Variants in ZDHHC17 observed in about 807,000 individuals in gnomAD.
ZDHHC17 encodes the protein zDHHC palmitoyltransferase 17.
ZDHHC17 carries 40 observed loss-of-function variants against 90.3 expected under a neutral mutation model. That is an observed-to-expected ratio of 0.44 (90% CI 0.34 to 0.58). The LOEUF is 0.58. ZDHHC17 is among the 20% of genes least tolerant of loss of function. ZDHHC17 has a pLI of 0.01. For synonymous variants in ZDHHC17, 235 were observed against 252.4 expected, an observed-to-expected ratio of 0.93 and a Z score of 0.65; for missense variants, 614 against 780.8, an observed-to-expected ratio of 0.79 and a Z score of 2.55.
chr12:76,790,587 A>G (rs1029635382), intron 1 of ZDHHC17, among the ~76,000 whole-genome samples: 2 of 152,334 alleles, frequency 1.3e-5, no homozygotes, highest in East Asian at 3.9e-4. Flanking sequence ...ATTGTTACAA[A>G]TACATGTATA....
chr12:76,776,601 A>C (rs558545030), intron 1 of ZDHHC17, among the ~76,000 whole-genome samples: 4 of 152,202 alleles, frequency 2.6e-5, no homozygotes, highest in Non-Finnish European at 5.9e-5. Context: ...TATTCTTTGT[A>C]GTGTCTGGAC....
Position 76,827,038 on chromosome 12 carries a change from A to G in ZDHHC17, c.1028A>G (p.Gln343Arg). Residue 343 changes from glutamine (Q) to arginine (R), a missense_variant, in exon 9 of 17, where the codon CAG (glutamine) becomes CGG (arginine). Coordinates refer to ENST00000426126, the MANE Select transcript of ZDHHC17 (RefSeq NM_015336.4). ...LMYGGVWATV[Q>R]FLSKSFFDHS... ...TATGGTGGTGTTTGGGCTACAGTACAGTTTCTTTCAAAGTAAGTGTGTTGT... is the reference window on the plus strand; with the variant it reads ...TATGGTGGTGTTTGGGCTACAGTACGGTTTCTTTCAAAGTAAGTGTGTTGT... 1 of 1,558,124 alleles carries G rather than the reference A, an allele frequency of 6.4e-7. No homozygotes were observed. Among genetic ancestry groups the G allele is most frequent in the Non-Finnish European group, 8.6e-7 (1 of 1,161,960 alleles).
In ZDHHC17 at chr12:76,837,054, C is replaced by T. The variant is rs535635423; in HGVS notation, c.1142-4928C>T. On this transcript the variant is annotated intron_variant, in intron 10 of 16. Transcript: ENST00000426126. ...GACACTACATTTCTGAACCAGTTTA[C>T]CTTTAGATTTTGTTTATTTATCATC... Among the ~76,000 whole-genome samples the T allele has an allele frequency of 1.9e-3, 289 of 152,210 alleles. 1 individual carries two copies. Among genetic ancestry groups the T allele is most frequent in the Non-Finnish European group, 3.2e-3 (221 of 68,014 alleles).
chr12:76,839,121 C>A (rs1592496995), intron 10 of ZDHHC17, among the ~76,000 whole-genome samples: 1 of 152,222 alleles, frequency 6.6e-6, no homozygotes, highest in Non-Finnish European at 1.5e-5. Flanking sequence ...GGCTCCCACC[C>A]TTATGACTTA....
In ZDHHC17 at chr12:76,788,686, C is replaced by A. The variant is rs1200723828; in HGVS notation, c.94-8748C>A. Among the ~76,000 whole-genome samples the A allele has an allele frequency of 1.5e-4, 9 of 61,562 alleles. 2 individuals are homozygous for A. The highest frequency in any genetic ancestry group is 2.3e-4 in the Admixed American group (1 of 4,428). The allele number at this position is 61,562 out of a possible 152,430, so 40.4% of individuals were successfully genotyped here. On this transcript the variant is annotated intron_variant, in intron 1 of 16. Coordinates refer to ENST00000426126, the MANE Select transcript of ZDHHC17 (RefSeq NM_015336.4). ...GGAAAATATATTTAAGTTGGAATCG[C>A]AATTTTTTTTTTTTTTTTTTTTTTT...
intron 1 of ZDHHC17, among the ~76,000 whole-genome samples, chr12:76,782,528 A>G (rs1952638967): frequency 6.6e-6 from 1 of 152,208 alleles, no homozygotes. Context: ...AACACTTTAG[A>G]TGCTGTTCAG....
chr12:76,799,913 T>A (rs1046959028), intron 2 of ZDHHC17, among the ~76,000 whole-genome samples: 4 of 152,172 alleles, frequency 2.6e-5, no homozygotes, highest in African/African-American at 9.7e-5. Flanking sequence ...ATCTTTGGGG[T>A]GGGACTCAAG....
In ZDHHC17 at chr12:76,835,671, T is replaced by C. The variant is rs115409833; in HGVS notation, c.1142-6311T>C. Among the ~76,000 whole-genome samples, 1,466 of 152,158 alleles carry C rather than the reference T, an allele frequency of 9.6e-3. 19 individuals carry two copies. The highest frequency in any genetic ancestry group is 0.033 in the African/African-American group (1,386 of 41,546). ...TTGGATATATGACATGGGGTAATCA[T>C]ATGTATAAAGACTGAATTTTGTTTT... On this transcript the variant is annotated intron_variant, in intron 10 of 16. Transcript: ENST00000426126.
intron 10 of ZDHHC17, among the ~76,000 whole-genome samples, chr12:76,836,050 A>G (rs1953358706): frequency 6.6e-6 from 1 of 151,834 alleles, no homozygotes; most frequent in African/African-American, 2.4e-5. Flanking sequence ...ACATGGGCAT[A>G]ATGTCTTATT....
intron 10 of ZDHHC17, among the ~76,000 whole-genome samples, chr12:76,829,299 A>T (rs991381154): frequency 6.6e-6 from 1 of 151,954 alleles, no homozygotes; most frequent in Non-Finnish European, 1.5e-5. Flanking sequence ...TCTACTAAAA[A>T]TACAAAAATT....
chr12:76,849,337 A>AAAG lies in ZDHHC17; in HGVS notation c.1666-37_1666-36insGAA. 2 of 1,128,030 alleles carry AAAG rather than the reference A, an allele frequency of 1.8e-6. 1 individual carries two copies. Among genetic ancestry groups the AAAG allele is most frequent in the Non-Finnish European group, 2.5e-6 (2 of 801,006 alleles). 69.9% of individuals were successfully genotyped at this position (1,128,030 alleles called of 1,614,324 possible). A position where few individuals can be genotyped will look rare whatever the true frequency, so the allele number is the denominator to read the frequency against. ...AGGTCCTGTCTCAAAAAAAAAAAAAAAAAACAAGAATAATGGTTTGCTTTT... is the reference window on the plus strand; with the variant it reads ...AGGTCCTGTCTCAAAAAAAAAAAAAAAAGAAAACAAGAATAATGGTTTGCTTTT... On this transcript the variant is annotated intron_variant, in intron 15 of 16. Transcript: ENST00000426126.
chr12:76,813,317 A>G (rs1953047951), intron 5 of ZDHHC17: 1 of 448,000 alleles, frequency 2.2e-6, no homozygotes. Context: ...CCACAGGATT[A>G]TTTTAAAAAA....
intron 16 of ZDHHC17, among the ~76,000 whole-genome samples, chr12:76,849,924 T>C (rs1953542425): frequency 6.6e-6 from 1 of 152,112 alleles, no homozygotes. Context: ...CTGACTGCTT[T>C]TCTTTTCTTT....
chr12:76,851,089 T>C lies in ZDHHC17; in HGVS notation c.*104T>C. ...CCACATCCTTTGAACAAGAGCATGC[T>C]ATGTGTAGGGCTAATGGTGAATTTT... On this transcript the variant is annotated 3_prime_UTR_variant, in exon 17 of 17. Coordinates refer to ENST00000426126, the MANE Select transcript of ZDHHC17 (RefSeq NM_015336.4). 1 of 1,413,312 alleles carries C rather than the reference T, an allele frequency of 7.1e-7. No homozygotes were observed. Among genetic ancestry groups the C allele is most frequent in the South Asian group, 1.2e-5 (1 of 80,030 alleles). The allele number at this position is 1,413,312 out of a possible 1,614,324, so 87.5% of individuals were successfully genotyped here. A position where few individuals can be genotyped will look rare whatever the true frequency, so the allele number is the denominator to read the frequency against.
chr12:76,814,036 GA>G (rs913871658), intron 5 of ZDHHC17, among the ~76,000 whole-genome samples: 12 of 151,964 alleles, frequency 7.9e-5, no homozygotes, highest in African/African-American at 2.9e-4. Context: ...CTGAGAATAC[GA>G]AGATGGATTT....
chr12:76,811,827 C>T (rs916281070), intron 5 of ZDHHC17, among the ~76,000 whole-genome samples: 1 of 151,960 alleles, frequency 6.6e-6, no homozygotes, highest in Non-Finnish European at 1.5e-5. Flanking sequence ...TCTGAAAATC[C>T]GGAATGCTGC....
intron 10 of ZDHHC17, among the ~76,000 whole-genome samples, chr12:76,830,462 CTATT>C (rs1415711037): frequency 1.6e-5 from 2 of 127,258 alleles, no homozygotes; most frequent in East Asian, 6.8e-4. Context: ...GTTTAAGTAT[CTATT>C]GAAATTCTTC....
chr12:76,800,868 C>CTGTCATTT (rs1952878195), intron 2 of ZDHHC17, among the ~76,000 whole-genome samples: 1 of 139,694 alleles, frequency 7.2e-6, no homozygotes, highest in South Asian at 2.4e-4. Flanking sequence ...AGAGGGACTT[C>CTGTCATTT]TGTCATTTTG....
chr12:76,766,531 G>A lies in ZDHHC17; in HGVS notation c.93+2202G>A, dbSNP rs7973504. ...TGTTTTTGTTGTTAAAATAAGCAGTGTTTTCAGTCTCCTTTGGGAAGAAAC... is the reference window on the plus strand; with the variant it reads ...TGTTTTTGTTGTTAAAATAAGCAGTATTTTCAGTCTCCTTTGGGAAGAAAC... On this transcript the variant is annotated intron_variant, in intron 1 of 16. Coordinates refer to ENST00000426126, the MANE Select transcript of ZDHHC17 (RefSeq NM_015336.4). 3.2e-3 allele frequency among the ~76,000 whole-genome samples: 492 copies of A among 152,302 alleles called. 1 individual carries two copies. The highest frequency in any genetic ancestry group is 0.011 in the African/African-American group (469 of 41,558).
Sources: allele counts gnomAD v4.1 joint callset (sites outside exome capture counted in the v4.1 genomes callset), GRCh38; gene constraint gnomAD v4.1.1; transcripts MANE v1.5; gene names NCBI Gene and HGNC (gene_info 2026-07-23, HGNC 2026-07-21).